Variants in PALLD observed in about 807,000 individuals in gnomAD.
The protein encoded by PALLD is palladin, cytoskeletal associated protein, also known as palladin.
A neutral mutation model predicts 123.5 loss-of-function variants in PALLD; 61 were observed. The observed-to-expected ratio is 0.49, with a 90% confidence interval of 0.40 to 0.61. The LOEUF (loss-of-function observed/expected upper bound fraction) is 0.61, where lower values mean the gene tolerates loss of function less well. Among genes scored for constraint, PALLD ranks in the 20% least tolerant of loss-of-function variants. PALLD has a pLI of 0.00. For missense variants in PALLD, 1,273 were observed against 1,377.0 expected, an observed-to-expected ratio of 0.92 and a Z score of 1.20; for synonymous variants, 465 against 496.4, an observed-to-expected ratio of 0.94 and a Z score of 0.84.
At chr4:168,574,573 G>A (rs1769347182) in intron 2 of PALLD, among the ~76,000 whole-genome samples, 1 of 152,106 alleles carries the variant, frequency 6.6e-6, no homozygotes, top group African/African-American at 2.4e-5. Flanking sequence ...GAAAATAACT[G>A]CTATTCTATC....
intron 2 of PALLD, among the ~76,000 whole-genome samples, chr4:168,546,054 G>A (rs1348630921): frequency 6.6e-6 from 1 of 152,088 alleles, no homozygotes; most frequent in African/African-American, 2.4e-5. Flanking sequence ...GAAATTTAGG[G>A]GTAGCTCTTT....
chr4:168,740,959 G>A (rs1369326127), intron 10 of PALLD, among the ~76,000 whole-genome samples: 1 of 152,202 alleles, frequency 6.6e-6, no homozygotes, highest in Non-Finnish European at 1.5e-5. Context: ...ATTAACTTCA[G>A]TCTTGCAGAA....
In PALLD at chr4:168,753,946, T is replaced by C. The variant is rs535751992; in HGVS notation, c.1964+42023T>C. 1.4e-3 allele frequency among the ~76,000 whole-genome samples: 207 copies of C among 152,296 alleles called. 1 individual carries two copies. Among genetic ancestry groups the C allele is most frequent in the African/African-American group, 4.8e-3 (199 of 41,556 alleles). ...AATGCTTATTGTTGTTCTAAGCCAA[T>C]AAATTTTGAGGTAATAGGTTATGCA... On this transcript the variant is annotated intron_variant, in intron 10 of 21. Coordinates refer to ENST00000505667, the MANE Select transcript of PALLD (RefSeq NM_001166108.2).
chr4:168,557,818 T>C (rs2149564474), intron 2 of PALLD, among the ~76,000 whole-genome samples: 1 of 152,304 alleles, frequency 6.6e-6, no homozygotes, highest in South Asian at 2.1e-4. Flanking sequence ...TACTTCAGGC[T>C]TGAGTCAGCT....
chr4:168,906,674 G>C (rs554128477), intron 15 of PALLD, among the ~76,000 whole-genome samples: 1 of 152,098 alleles, frequency 6.6e-6, no homozygotes, highest in Non-Finnish European at 1.5e-5. Flanking sequence ...ACCCAGGCTG[G>C]AGTACAGTGG....
At chr4:168,914,063 T>C (rs1489908556) in intron 16 of PALLD, 42 bp downstream of exon 16, 2 of 1,136,720 alleles carry the variant, frequency 1.8e-6, no homozygotes, top group African/African-American at 1.5e-5. Flanking sequence ...CATTATTTTA[T>C]TTATTACTAT....
At chr4:168,658,451 G>C (rs1032611489) in intron 2 of PALLD, among the ~76,000 whole-genome samples, 3 of 151,848 alleles carry the variant, frequency 2.0e-5, no homozygotes, top group African/African-American at 7.3e-5. Context: ...TGCCCAGTTA[G>C]TTTTCAAATT....
At chr4:168,645,794 C>T (rs899779894) in intron 2 of PALLD, among the ~76,000 whole-genome samples, 2 of 152,106 alleles carry the variant, frequency 1.3e-5, no homozygotes, top group Non-Finnish European at 2.9e-5. Context: ...TTTTCTAGTG[C>T]AAACGGGGCT....
At chr4:168,638,879 A>G (rs1580708321) in intron 2 of PALLD, among the ~76,000 whole-genome samples, 1 of 151,246 alleles carries the variant, frequency 6.6e-6, no homozygotes, top group Non-Finnish European at 1.5e-5. Flanking sequence ...CCCGATTCAC[A>G]CTCCACCGTC....
intron 15 of PALLD, chr4:168,904,311 C>T (rs995528228): frequency 3.8e-5 from 7 of 183,730 alleles, no homozygotes; most frequent in Non-Finnish European, 8.2e-5. Flanking sequence ...AAGAAAAACT[C>T]AACAAAGTAA....
chr4:168,747,287 G>A (rs964371499), intron 10 of PALLD, among the ~76,000 whole-genome samples: 1 of 152,142 alleles, frequency 6.6e-6, no homozygotes, highest in African/African-American at 2.4e-5. Flanking sequence ...AGGACATTAC[G>A]CTGAGGCTGA....
At chr4:168,648,080 C>T (rs905317523) in intron 2 of PALLD, 1 of 152,048 alleles carries the variant, frequency 6.6e-6, no homozygotes, top group Non-Finnish European at 1.5e-5. Context: ...GATGTGAACT[C>T]CCCCCTGACT....
At chr4:168,846,765 G>A (rs966660982) in intron 10 of PALLD, among the ~76,000 whole-genome samples, 2 of 152,200 alleles carry the variant, frequency 1.3e-5, no homozygotes, top group Admixed American at 6.5e-5. Flanking sequence ...CTCTCAAAGT[G>A]TGGGTATGGT....
intron 10 of PALLD, among the ~76,000 whole-genome samples, chr4:168,823,611 T>C (rs759008293): frequency 1.4e-4 from 22 of 151,976 alleles, no homozygotes; most frequent in Non-Finnish European, 2.8e-4. Flanking sequence ...TCCCAGAAGA[T>C]GGAGACTGCA....
chr4:168,802,937 C>A (rs1309965747), intron 10 of PALLD, among the ~76,000 whole-genome samples: 2 of 151,962 alleles, frequency 1.3e-5, no homozygotes, highest in Non-Finnish European at 2.9e-5. Context: ...GGTGATTCAC[C>A]CACCTTGGCC....
At chr4:168,877,917 C>T (rs868708709) in intron 10 of PALLD, 1 of 1,483,436 alleles carries the variant, frequency 6.7e-7, no homozygotes. Flanking sequence ...TCCCGCTCCG[C>T]CCCCGCCATG....
At chr4:168,843,049 T>C (rs948416565) in intron 10 of PALLD, among the ~76,000 whole-genome samples, 2 of 152,212 alleles carry the variant, frequency 1.3e-5, no homozygotes, top group Non-Finnish European at 2.9e-5. Flanking sequence ...AAATACATAG[T>C]GCCACCTGAC....
intron 2 of PALLD, among the ~76,000 whole-genome samples, chr4:168,649,343 TC>T (rs1261490342): frequency 9.2e-5 from 14 of 152,212 alleles, no homozygotes; most frequent in Admixed American, 2.6e-4. Flanking sequence ...TTAATCAGAT[TC>T]AATTTGATTC....
chr4:168,664,445 G>A (rs912197280), intron 2 of PALLD, among the ~76,000 whole-genome samples: 3 of 152,114 alleles, frequency 2.0e-5, no homozygotes, highest in Non-Finnish European at 2.9e-5. Flanking sequence ...TTCAGCAACC[G>A]CATATGGCAA....
Sources: allele counts gnomAD v4.1 joint callset (sites outside exome capture counted in the v4.1 genomes callset), GRCh38; gene constraint gnomAD v4.1.1; transcripts MANE v1.5; gene names NCBI Gene and HGNC (gene_info 2026-07-23, HGNC 2026-07-21).